RIMS1: variants seen among roughly 807,000 people sequenced by gnomAD.
RIMS1 encodes regulating synaptic membrane exocytosis protein 1.
Under a neutral mutation model 214.1 loss-of-function variants are expected in RIMS1, and 83 were observed. That is an observed-to-expected ratio of 0.39 (90% CI 0.32 to 0.47). The LOEUF is 0.47. RIMS1 is among the 20% of genes least tolerant of loss of function. The pLI is 0.99. For missense variants in RIMS1, 2,050 were observed against 2,161.8 expected, an observed-to-expected ratio of 0.95 and a Z score of 1.03; for synonymous variants, 793 against 786.8, an observed-to-expected ratio of 1.01 and a Z score of -0.13.
chr6:72,040,239 G>A (rs1821059062), intron 2 of RIMS1, among the ~76,000 whole-genome samples: 1 of 151,948 alleles, frequency 6.6e-6, no homozygotes, highest in Non-Finnish European at 1.5e-5. Context: ...TTTCCCTTAT[G>A]CATGATAATT....
intron 24 of RIMS1, among the ~76,000 whole-genome samples, chr6:72,287,429 T>A (rs2092541875): frequency 6.6e-6 from 1 of 152,122 alleles, no homozygotes; most frequent in South Asian, 2.1e-4. Context: ...AGACGCAAAT[T>A]TTTATTGAGA....
At chr6:72,361,129 GACAGATTCTC>G (rs1436926687) in intron 29 of RIMS1, among the ~76,000 whole-genome samples, 4 of 75,340 alleles carry the variant, frequency 5.3e-5, no homozygotes, top group Non-Finnish European at 9.6e-5. Flanking sequence ...TTTTTTTTGA[GACAGATTCTC>G]ACTCTGTTGC....
intron 1 of RIMS1, among the ~76,000 whole-genome samples, chr6:71,911,361 T>C (rs568607506): frequency 6.6e-6 from 1 of 152,256 alleles, no homozygotes; most frequent in Admixed American, 6.5e-5. Flanking sequence ...TAAATACTTA[T>C]GGAGAGAATT....
intron 4 of RIMS1, among the ~76,000 whole-genome samples, chr6:72,168,365 G>A (rs1410714970): frequency 2.0e-5 from 3 of 152,216 alleles, no homozygotes; most frequent in African/African-American, 7.2e-5. Context: ...ATACTTGGAA[G>A]AGGACTAAGC....
chr6:71,956,998 G>T (rs1228199845), intron 1 of RIMS1, among the ~76,000 whole-genome samples: 1 of 152,186 alleles, frequency 6.6e-6, no homozygotes, highest in Non-Finnish European at 1.5e-5. Context: ...GCCATTCATA[G>T]ATAATTTGCC....
At position 71,936,834 on chromosome 6, in the gene RIMS1, A is replaced by G. The variant is rs576452817; in HGVS notation, c.165-32149A>G. On this transcript the variant is annotated intron_variant, in intron 1 of 33. Coordinates refer to ENST00000521978, the MANE Select transcript of RIMS1 (RefSeq NM_014989.7). ...TTTTGCTAAAGGGGGTTGTGTGTAC[A>G]GTAGAATTAGAAGTCACTCCCCACG... Among the ~76,000 whole-genome samples the G allele has an allele frequency of 2.6e-5, 4 of 152,374 alleles. No individual in the cohort carries two copies. The South Asian group carries it at 8.3e-4, about 32-fold the overall frequency.
intron 2 of RIMS1, among the ~76,000 whole-genome samples, chr6:72,079,052 G>A (rs1038029443): frequency 6.6e-6 from 1 of 152,094 alleles, no homozygotes; most frequent in Non-Finnish European, 1.5e-5. Context: ...AGCCCTAAGA[G>A]TTGGAGCTGT....
chr6:72,261,587 GAAACA>G (rs1303074247), intron 19 of RIMS1: 1 of 978,238 alleles, frequency 1.0e-6, no homozygotes, highest in Non-Finnish European at 1.2e-6. Context: ...GTAAGTCAGT[GAAACA>G]AACTAACACA....
intron 6 of RIMS1, among the ~76,000 whole-genome samples, chr6:72,184,944 A>T (rs961080001): frequency 1.3e-5 from 2 of 152,214 alleles, no homozygotes; most frequent in African/African-American, 4.8e-5. Context: ...AATAACTGCC[A>T]GCCTTTTGGT....
intron 2 of RIMS1, among the ~76,000 whole-genome samples, chr6:71,991,207 G>T (rs1475959796): frequency 1.3e-5 from 2 of 151,532 alleles, no homozygotes; most frequent in East Asian, 1.9e-4. Context: ...CCTTTAAATT[G>T]CAGACTTTAT....
chr6:72,070,616 C>G (rs1006253257), intron 2 of RIMS1, among the ~76,000 whole-genome samples: 1 of 152,088 alleles, frequency 6.6e-6, no homozygotes, highest in African/African-American at 2.4e-5. Context: ...CTGTGCTGTA[C>G]GTAAGAGACG....
chr6:72,039,513 G>A (rs903259887), intron 2 of RIMS1, among the ~76,000 whole-genome samples: 1 of 151,980 alleles, frequency 6.6e-6, no homozygotes, highest in African/African-American at 2.4e-5. Context: ...GGCTTCATCT[G>A]CAGGTGAGCC....
rs753994211 is a variant in RIMS1, at chr6:72,182,708, G to A, written c.1237G>A (p.Ala413Thr). ...GCCGGAGGGCAAGGCCGGCAAACGCGCGCCGGCGGCAGCCAGGGCCTCGCC... is the reference window on the plus strand; with the variant it reads ...GCCGGAGGGCAAGGCCGGCAAACGCACGCCGGCGGCAGCCAGGGCCTCGCC... ...ALPEGKAGKR[A>T]PAAARASPPD... Residue 413 changes from alanine (A) to threonine (T), a missense_variant, in exon 6 of 34, where the codon GCG becomes ACG. By Grantham distance (58) the Ala-to-Thr change is moderately conservative. Coordinates refer to ENST00000521978, the MANE Select transcript of RIMS1 (RefSeq NM_014989.7). 4.0e-6 allele frequency: 6 copies of A among 1,511,056 alleles called. No homozygotes were observed. In the South Asian group the frequency reaches 6.3e-5, roughly 16 times the overall value. 93.6% of individuals were successfully genotyped at this position (1,511,056 alleles called of 1,614,324 possible). A position where few individuals can be genotyped will look rare whatever the true frequency, so the allele number is the denominator to read the frequency against.
chr6:72,306,437 T>C (rs1178200835), intron 26 of RIMS1, among the ~76,000 whole-genome samples: 1 of 152,194 alleles, frequency 6.6e-6, no homozygotes, highest in Non-Finnish European at 1.5e-5. Context: ...CTCCTTCATT[T>C]GTAAAAATGC....
intron 28 of RIMS1, among the ~76,000 whole-genome samples, chr6:72,322,224 G>A (rs2096210917): frequency 6.6e-6 from 1 of 152,080 alleles, no homozygotes; most frequent in African/African-American, 2.4e-5. Context: ...TAGCCCTGGA[G>A]CACCTTGAAA....
chr6:71,976,172 A>G (rs532247950), intron 2 of RIMS1, among the ~76,000 whole-genome samples: 2 of 152,240 alleles, frequency 1.3e-5, no homozygotes, highest in African/African-American at 4.8e-5. Flanking sequence ...TTACATTCCT[A>G]TCAATAAGAG....
intron 1 of RIMS1, among the ~76,000 whole-genome samples, chr6:71,937,501 C>T (rs1784799836): frequency 6.6e-6 from 1 of 152,122 alleles, no homozygotes; most frequent in East Asian, 1.9e-4. Flanking sequence ...AGTCTGCCTT[C>T]CTGGGCCTCC....
At chr6:72,360,156 C>T (rs1198920955) in intron 29 of RIMS1, among the ~76,000 whole-genome samples, 1 of 152,160 alleles carries the variant, frequency 6.6e-6, no homozygotes, top group Non-Finnish European at 1.5e-5. Flanking sequence ...TTTCTGCTTA[C>T]TCACTGAGTG....
intron 32 of RIMS1, 53 bp from the exon 33 acceptor site, chr6:72,398,902 A>G: frequency 3.4e-6 from 4 of 1,167,138 alleles, no homozygotes; most frequent in African/African-American, 1.6e-5. Context: ...CTAATTAAAA[A>G]AATAGTTGAA....
Sources: gnomAD v4.1 joint callset for allele counts (sites outside exome capture counted in the v4.1 genomes callset) on GRCh38, gnomAD v4.1.1 for gene constraint, MANE v1.5 for transcripts, NCBI Gene and HGNC (gene_info 2026-07-23, HGNC 2026-07-21) for gene names.